The following ELMO1 variants were observed in gnomAD, a reference collection of about 807,000 sequenced individuals.
The protein encoded by ELMO1 is engulfment and cell motility protein 1.
In ELMO1, 26 loss-of-function variants were observed where a neutral mutation model predicts 98.9. The ratio of observed to expected loss-of-function variants is 0.26; its 90% CI spans 0.19 to 0.36. The LOEUF is 0.36. Ranked by LOEUF, ELMO1 falls within the 10% of genes least tolerant of loss-of-function variation. The probability of loss-of-function intolerance (pLI) is 1.00; values close to 1 mark genes in which losing one functional copy is unlikely to be tolerated. For missense variants in ELMO1, 627 were observed against 935.2 expected, an observed-to-expected ratio of 0.67 and a Z score of 4.30; for synonymous variants, 346 against 346.0, an observed-to-expected ratio of 1.00 and a Z score of 0.00.
chr7:36,872,135 A>G (rs1200189093), intron 19 of ELMO1, among the ~76,000 whole-genome samples: 1 of 152,176 alleles, frequency 6.6e-6, no homozygotes, highest in Non-Finnish European at 1.5e-5. Flanking sequence ...TGAAATGTGA[A>G]AGAAAATGCT....
At chr7:37,257,375 G>A (rs1211025053) in intron 6 of ELMO1, among the ~76,000 whole-genome samples, 3 of 152,126 alleles carry the variant, frequency 2.0e-5, no homozygotes, top group South Asian at 4.2e-4. Flanking sequence ...GATCACTTGA[G>A]GTCAGGAGTT....
intron 15 of ELMO1, among the ~76,000 whole-genome samples, chr7:37,093,040 A>G (rs1362472802): frequency 6.6e-6 from 1 of 151,732 alleles, no homozygotes; most frequent in African/African-American, 2.4e-5. Context: ...TTAACTCCTG[A>G]GAGTGTTACA....
rs1056636167 is a variant in ELMO1 at position 37,390,896 on chromosome 7, A to G, written c.-73-48133T>C. Reference sequence around the variant, plus strand: ...GTGGCTGGGGCAGGACACCAAATTGACCTGGTGACCCTGTAGACACTGTTT... The same window carrying G: ...GTGGCTGGGGCAGGACACCAAATTGGCCTGGTGACCCTGTAGACACTGTTT... On this transcript the variant is annotated intron_variant, in intron 1 of 21. Coordinates refer to ENST00000310758, the MANE Select transcript of ELMO1 (RefSeq NM_014800.11). Among the ~76,000 whole-genome samples the G allele has an allele frequency of 5.3e-5, 8 of 152,300 alleles. 1 individual carries two copies. The East Asian group carries it at 1.5e-3, about 29-fold the overall frequency.
At chr7:36,978,632 T>C (rs1181660317) in intron 16 of ELMO1, among the ~76,000 whole-genome samples, 2 of 152,168 alleles carry the variant, frequency 1.3e-5, no homozygotes, top group Admixed American at 1.3e-4. Flanking sequence ...ACCAAGAACA[T>C]CTTGACTTAC....
At chr7:37,019,847 G>C (rs1794165770) in intron 15 of ELMO1, among the ~76,000 whole-genome samples, 1 of 152,084 alleles carries the variant, frequency 6.6e-6, no homozygotes, top group South Asian at 2.1e-4. Context: ...ATATTTTCAG[G>C]ACTGAGGGTA....
intron 16 of ELMO1, among the ~76,000 whole-genome samples, chr7:36,921,592 T>G (rs1224569127): frequency 6.6e-6 from 1 of 152,194 alleles, no homozygotes; most frequent in Non-Finnish European, 1.5e-5. Flanking sequence ...GTGGAAGAGG[T>G]TCTCTTTCTT....
At chr7:37,166,316 G>GT (rs1789686978) in intron 13 of ELMO1, among the ~76,000 whole-genome samples, 2 of 152,092 alleles carry the variant, frequency 1.3e-5, no homozygotes, top group South Asian at 4.1e-4. Context: ...TTTTTGAAGC[G>GT]TTTTTTGTGT....
intron 2 of ELMO1, among the ~76,000 whole-genome samples, chr7:37,338,329 G>T (rs1322145225): frequency 1.3e-5 from 2 of 152,090 alleles, no homozygotes; most frequent in East Asian, 3.9e-4. Context: ...TTTGAAACCT[G>T]GCCCCCATGG....
intron 1 of ELMO1, among the ~76,000 whole-genome samples, chr7:37,356,599 C>T (rs1801506529): frequency 6.6e-6 from 1 of 151,970 alleles, no homozygotes; most frequent in Admixed American, 6.6e-5. Context: ...GGGAGGGGAA[C>T]ATCACACACC....
At chr7:36,965,187 C>T (rs1584446907) in intron 16 of ELMO1, among the ~76,000 whole-genome samples, 3 of 152,268 alleles carry the variant, frequency 2.0e-5, no homozygotes, top group East Asian at 1.9e-4. Flanking sequence ...TCCGTTTCTC[C>T]CCATTCTTAA....
intron 2 of ELMO1, among the ~76,000 whole-genome samples, chr7:37,338,044 A>T (rs1431172890): frequency 6.6e-6 from 1 of 152,230 alleles, no homozygotes; most frequent in Admixed American, 6.5e-5. Context: ...AACAGAGGGC[A>T]AATGTTCACA....
At chr7:36,928,178 C>T (rs534367735) in intron 16 of ELMO1, among the ~76,000 whole-genome samples, 26 of 152,320 alleles carry the variant, frequency 1.7e-4, no homozygotes, top group Admixed American at 3.3e-4. Context: ...TCAGGATTAA[C>T]GCCCGGATTC....
At chr7:36,974,701 C>A (rs547810635) in intron 16 of ELMO1, among the ~76,000 whole-genome samples, 2 of 152,172 alleles carry the variant, frequency 1.3e-5, no homozygotes, top group African/African-American at 4.8e-5. Flanking sequence ...GCAACCCGCT[C>A]GGGTCCCCTT....
At chr7:37,220,628 A>G (rs1005908627) in intron 10 of ELMO1, among the ~76,000 whole-genome samples, 1 of 152,326 alleles carries the variant, frequency 6.6e-6, no homozygotes, top group Non-Finnish European at 1.5e-5. Flanking sequence ...AAGTTAGTAC[A>G]GATTGACACC....
rs1435727619 is a variant in ELMO1 at position 36,854,486 on chromosome 7, A to AAT, written c.*1063_*1064dup. On this transcript the variant is annotated 3_prime_UTR_variant, in exon 22 of 22. Coordinates refer to ENST00000310758, the MANE Select transcript of ELMO1 (RefSeq NM_014800.11). ...ATTTATGTATCTCTTCTTTTCATTAAATATATATCTGTTTGGCAAAAAATG... is the reference window on the plus strand; with the variant it reads ...ATTTATGTATCTCTTCTTTTCATTAAATATATATATCTGTTTGGCAAAAAATG... 6.6e-6 allele frequency: 1 copy of AAT among 152,380 alleles called. No homozygotes were observed. Among genetic ancestry groups the AAT allele is most frequent in the Non-Finnish European group, 1.5e-5 (1 of 68,008 alleles). The allele number at this position is 152,380 out of a possible 1,614,324, so 9.4% of individuals were successfully genotyped here.
At chr7:37,065,908 T>G (rs1796935539) in intron 15 of ELMO1, among the ~76,000 whole-genome samples, 1 of 152,158 alleles carries the variant, frequency 6.6e-6, no homozygotes, top group African/African-American at 2.4e-5. Context: ...TGAGCTGTAA[T>G]AATCCCCACA....
chr7:37,402,587 G>A (rs948450500), intron 1 of ELMO1, among the ~76,000 whole-genome samples: 1 of 152,174 alleles, frequency 6.6e-6, no homozygotes, highest in Non-Finnish European at 1.5e-5. Flanking sequence ...GAAGAGTAGA[G>A]GGAGAGAGAG....
chr7:36,944,470 T>C (rs1356397025), intron 16 of ELMO1, among the ~76,000 whole-genome samples: 1 of 152,228 alleles, frequency 6.6e-6, no homozygotes, highest in Non-Finnish European at 1.5e-5. Context: ...ACTCTACTCC[T>C]GGGACCTCCC....
chr7:37,198,291 A>G (rs551817065), intron 13 of ELMO1, among the ~76,000 whole-genome samples: 2 of 152,362 alleles, frequency 1.3e-5, no homozygotes, highest in Non-Finnish European at 2.9e-5. Context: ...CCAGCTGGTT[A>G]TAGTCAAATG....
Sources: allele counts gnomAD v4.1 joint callset (sites outside exome capture counted in the v4.1 genomes callset), GRCh38; gene constraint gnomAD v4.1.1; transcripts MANE v1.5; gene names NCBI Gene and HGNC (gene_info 2026-07-23, HGNC 2026-07-21).